BCL7A: variants seen among roughly 807,000 people sequenced by gnomAD.
BCL7A encodes the protein BAF chromatin remodeling complex subunit BCL7A, also known as B-cell CLL/lymphoma 7 protein family member A.
Under a neutral mutation model 28.4 loss-of-function variants are expected in BCL7A, and 11 were observed. The ratio of observed to expected loss-of-function variants is 0.39; its 90% CI spans 0.24 to 0.64. The LOEUF is 0.64. Ranked by LOEUF, BCL7A falls within the 30% of genes least tolerant of loss-of-function variation. The probability of loss-of-function intolerance (pLI) is 0.50; values close to 1 mark genes in which losing one functional copy is unlikely to be tolerated. For missense variants in BCL7A, 222 were observed against 274.8 expected (o/e 0.81, Z 1.36); for synonymous variants, 123 against 103.3 (o/e 1.19, Z -1.15).
At chr12:122,058,094 G>A (rs1951890678) in intron 5 of BCL7A, among the ~76,000 whole-genome samples, 1 of 152,022 alleles carries the variant, frequency 6.6e-6, no homozygotes, top group Admixed American at 6.6e-5. Flanking sequence ...CTACTCAGGA[G>A]GCTGAGGCAG....
In BCL7A at chr12:122,032,752, C is replaced by T. The variant is rs188561599; in HGVS notation, c.174+1971C>T. 1.7e-4 allele frequency among the ~76,000 whole-genome samples: 26 copies of T among 152,330 alleles called. No individual in the cohort carries two copies. In the East Asian group the frequency reaches 4.2e-3, roughly 25 times the overall value. On this transcript the variant is annotated intron_variant, in intron 2 of 5. Coordinates refer to ENST00000261822, the MANE Select transcript of BCL7A (RefSeq NM_001024808.3). ...ACAGAGCAAAAGCAATATATCACCA[C>T]GGAGAATACTTAGCACTGTGCCGGC...
intron 1 of BCL7A, among the ~76,000 whole-genome samples, chr12:122,022,622 G>A (rs2135833391): frequency 6.9e-6 from 1 of 145,694 alleles, no homozygotes; most frequent in East Asian, 2.0e-4. Flanking sequence ...CCATTGTGCA[G>A]GCTCCGAGCG....
rs144991289 is a variant in BCL7A, at chr12:122,057,542, C to T, written c.562-1550C>T. Reference sequence around the variant, plus strand: ...CAGAGGCCGGGTTGGAGGGGGGGTGCGGGCGGAGAGGTGGCTTCAGGGGGT... The same window carrying T: ...CAGAGGCCGGGTTGGAGGGGGGGTGTGGGCGGAGAGGTGGCTTCAGGGGGT... On this transcript the variant is annotated intron_variant, in intron 5 of 5. Transcript: ENST00000261822. Among the ~76,000 whole-genome samples the T allele has an allele frequency of 9.2e-5, 14 of 152,168 alleles. No individual in the cohort carries two copies. In the East Asian group the frequency reaches 1.5e-3, roughly 17 times the overall value.
At chr12:122,047,843 T>G (rs1224022784) in intron 4 of BCL7A, among the ~76,000 whole-genome samples, 1 of 151,044 alleles carries the variant, frequency 6.6e-6, no homozygotes, top group African/African-American at 2.4e-5. Context: ...TTCTTGAAGC[T>G]ATTTCTCTAT....
At position 122,029,930 on chromosome 12, in the gene BCL7A, C is replaced by T. The variant is rs1883705795; in HGVS notation, c.93-770C>T. On this transcript the variant is annotated intron_variant, in intron 1 of 5. Transcript: ENST00000261822. The surrounding 1 kb of genome is among the most constrained non-coding windows in gnomAD (Gnocchi z 4.3). Reference sequence around the variant, plus strand: ...GGGCATTGTTATCTCGAATGAAAACCAGTCCTGTTTGCTTCTGTGGCTTGT... The same window carrying T: ...GGGCATTGTTATCTCGAATGAAAACTAGTCCTGTTTGCTTCTGTGGCTTGT... 6.6e-6 allele frequency among the ~76,000 whole-genome samples: 1 copy of T among 152,084 alleles called. No individual in the cohort carries two copies. Among genetic ancestry groups the T allele is most frequent in the Non-Finnish European group, 1.5e-5 (1 of 68,016 alleles).
Position 122,022,043 on chromosome 12 carries a change from G to A in BCL7A, c.-49G>A, listed in dbSNP as rs1593018972. 2 of 1,499,366 alleles carry A rather than the reference G, an allele frequency of 1.3e-6. No homozygotes were observed. The highest frequency in any genetic ancestry group is 2.0e-5 in the Admixed American group (1 of 49,688). 92.9% of individuals were successfully genotyped at this position (1,499,366 alleles called of 1,614,324 possible). On this transcript the variant is annotated 5_prime_UTR_variant, in exon 1 of 6. Coordinates refer to ENST00000261822, the MANE Select transcript of BCL7A (RefSeq NM_001024808.3). ...CGAGTGTGGCCGCCGCGGAGCGCGA[G>A]CAGGACCCGGCGGGCGCGCTCCCCA...
chr12:122,056,277 T>C (rs923714259), intron 5 of BCL7A, among the ~76,000 whole-genome samples: 3 of 152,128 alleles, frequency 2.0e-5, no homozygotes, highest in African/African-American at 7.2e-5. Context: ...CTTTGATCCA[T>C]ACCCTGAGAG....
chr12:122,043,399 TTGGG>T (rs202147036), intron 3 of BCL7A, among the ~76,000 whole-genome samples: 5 of 69,614 alleles, frequency 7.2e-5, no homozygotes, highest in South Asian at 4.9e-4. Context: ...GCTGTGGTGC[TTGGG>T]TGGGTGGGTG....
chr12:122,028,426 T>C (rs941957984), intron 1 of BCL7A, among the ~76,000 whole-genome samples: 43 of 152,018 alleles, frequency 2.8e-4, no homozygotes, highest in Non-Finnish European at 3.7e-4. Flanking sequence ...TTTTTTTTTT[T>C]CCCAAACACA....
intron 1 of BCL7A, among the ~76,000 whole-genome samples, chr12:122,029,000 G>T (rs1055189638): frequency 1.3e-5 from 2 of 152,164 alleles, no homozygotes; most frequent in Non-Finnish European, 2.9e-5. Flanking sequence ...TTAGACACTC[G>T]TCTTTCCTGC....
intron 4 of BCL7A, among the ~76,000 whole-genome samples, chr12:122,052,868 CGGGGG>C (rs58536708): frequency 3.4e-5 from 1 of 29,224 alleles, no homozygotes; most frequent in Admixed American, 5.0e-4. Flanking sequence ...TTTTTTTAGT[CGGGGG>C]GGGGGGGGGG....
At chr12:122,050,266 C>T (rs1393082327) in intron 4 of BCL7A, among the ~76,000 whole-genome samples, 2 of 150,904 alleles carry the variant, frequency 1.3e-5, no homozygotes, top group Non-Finnish European at 2.9e-5. Flanking sequence ...AGGCGTGAGC[C>T]ACCACAACCA....
At chr12:122,042,476 G>A (rs1162942767) in intron 3 of BCL7A, among the ~76,000 whole-genome samples, 1 of 151,950 alleles carries the variant, frequency 6.6e-6, no homozygotes, top group East Asian at 1.9e-4. Flanking sequence ...CCAACATGGA[G>A]AAACCCGTCT....
chr12:122,025,946 CAAAAAA>C (rs1204623444), intron 1 of BCL7A, among the ~76,000 whole-genome samples: 9 of 108,196 alleles, frequency 8.3e-5, no homozygotes, highest in East Asian at 3.8e-4. Flanking sequence ...GACTCCATCT[CAAAAAA>C]AAAAAAAAAA....
intron 4 of BCL7A, 172 bp downstream of exon 4, chr12:122,044,225 C>T (rs1884023820): frequency 1.3e-6 from 1 of 762,144 alleles, no homozygotes; most frequent in Admixed American, 3.1e-5. Context: ...AAAAATCAGA[C>T]AGGCCAGGTG....
At chr12:122,024,109 C>G (rs924765475) in intron 1 of BCL7A, among the ~76,000 whole-genome samples, 2 of 152,268 alleles carry the variant, frequency 1.3e-5, no homozygotes, top group East Asian at 1.9e-4. Context: ...GGCCTTCCAG[C>G]CCGCTGACCC....
intron 5 of BCL7A, 68 bp downstream of exon 5, chr12:122,054,994 G>C (rs767661630): frequency 6.2e-7 from 1 of 1,612,518 alleles, no homozygotes. Context: ...TCGGGGGTAC[G>C]TTGAAAGGTG....
chr12:122,032,119 CAG>C (rs1187303626), intron 2 of BCL7A, among the ~76,000 whole-genome samples: 2 of 152,216 alleles, frequency 1.3e-5, no homozygotes, highest in Non-Finnish European at 2.9e-5. Flanking sequence ...TCCAAAAAGA[CAG>C]GGGCTAAGTT....
At chr12:122,024,121 G>A (rs1422508323) in intron 1 of BCL7A, among the ~76,000 whole-genome samples, 6 of 152,214 alleles carry the variant, frequency 3.9e-5, no homozygotes, top group African/African-American at 1.2e-4. Flanking sequence ...CGCTGACCCC[G>A]CGGGGACCAG....
Sources: allele counts gnomAD v4.1 joint callset (sites outside exome capture counted in the v4.1 genomes callset), GRCh38; gene constraint gnomAD v4.1.1; non-coding constraint Gnocchi (gnomAD v3.1); transcripts MANE v1.5; gene names NCBI Gene and HGNC (gene_info 2026-07-23, HGNC 2026-07-21).